Variants in SRPK2 observed in about 807,000 individuals in gnomAD.
SRPK2 encodes SRSF protein kinase 2, also known as SFRS protein kinase 2.
SRPK2 carries 21 observed loss-of-function variants against 90.8 expected under a neutral mutation model. The ratio of observed to expected loss-of-function variants is 0.23; its 90% CI spans 0.16 to 0.33. The LOEUF (loss-of-function observed/expected upper bound fraction) is 0.33, where lower values mean the gene tolerates loss of function less well. Ranked by LOEUF, SRPK2 falls within the 10% of genes least tolerant of loss-of-function variation. The pLI is 1.00. For missense variants in SRPK2, 620 were observed against 869.0 expected (o/e 0.71, Z 3.60); for synonymous variants, 288 against 311.1 (o/e 0.93, Z 0.78).
At chr7:105,221,228 T>G (rs949360703) in intron 2 of SRPK2, among the ~76,000 whole-genome samples, 3 of 152,236 alleles carry the variant, frequency 2.0e-5, no homozygotes, top group African/African-American at 7.2e-5. Flanking sequence ...CATTATACGC[T>G]TGTCTTTACT....
intron 2 of SRPK2, among the ~76,000 whole-genome samples, chr7:105,348,837 A>T (rs1816794687): frequency 6.6e-6 from 1 of 152,122 alleles, no homozygotes; most frequent in Non-Finnish European, 1.5e-5. Flanking sequence ...AACAGAAAAT[A>T]AAAAATAAAA....
Position 105,388,898 on chromosome 7 carries a change from C to T in SRPK2, c.-92G>A, listed in dbSNP as rs1821995489. 25 of 1,235,212 alleles carry T rather than the reference C, an allele frequency of 2.0e-5. No individual in the cohort carries two copies. The highest frequency in any genetic ancestry group is 2.4e-5 in the Non-Finnish European group (24 of 992,106). 76.5% of individuals were successfully genotyped at this position (1,235,212 alleles called of 1,614,324 possible). On this transcript the variant is annotated 5_prime_UTR_variant, in exon 1 of 16. Coordinates refer to ENST00000393651, the MANE Select transcript of SRPK2 (RefSeq NM_182692.3). ...TGCAGCCTCCACTCGCTCCGCCGGC[C>T]GGGAGGAGACGAGAACCGCGCCTGC...
intron 7 of SRPK2, among the ~76,000 whole-genome samples, chr7:105,149,116 A>G (rs1021451688): frequency 6.6e-6 from 1 of 152,184 alleles, no homozygotes; most frequent in African/African-American, 2.4e-5. Context: ...GATTAGTAAA[A>G]GAGGAAAGCC....
intron 2 of SRPK2, among the ~76,000 whole-genome samples, chr7:105,246,701 A>G (rs1465906636): frequency 6.6e-6 from 1 of 152,236 alleles, no homozygotes; most frequent in African/African-American, 2.4e-5. Flanking sequence ...AATCAAAGAC[A>G]GAAACCTTTT....
At chr7:105,327,079 A>C (rs79739917) in intron 2 of SRPK2, among the ~76,000 whole-genome samples, 40 of 152,002 alleles carry the variant, frequency 2.6e-4, no homozygotes, top group African/African-American at 9.7e-4. Flanking sequence ...AAAAAAAAAA[A>C]AAAAAAATTC....
intron 2 of SRPK2, among the ~76,000 whole-genome samples, chr7:105,249,914 T>C (rs1372361285): frequency 6.6e-6 from 1 of 152,252 alleles, no homozygotes; most frequent in Admixed American, 6.5e-5. Flanking sequence ...CTTACGCATA[T>C]GACCTAGAAT....
At chr7:105,127,992 C>T (rs1801446435) in intron 13 of SRPK2, among the ~76,000 whole-genome samples, 1 of 152,168 alleles carries the variant, frequency 6.6e-6, no homozygotes, top group Non-Finnish European at 1.5e-5. Context: ...GGAGCCAATA[C>T]TGGGGAAACT....
chr7:105,303,819 C>CGAAT (rs750498615), intron 2 of SRPK2, among the ~76,000 whole-genome samples: 12 of 152,010 alleles, frequency 7.9e-5, no homozygotes, highest in Non-Finnish European at 1.5e-4. Flanking sequence ...ACAAAACACA[C>CGAAT]GAATATGTGG....
intron 2 of SRPK2, chr7:105,298,901 AG>A: frequency 1.9e-6 from 1 of 520,806 alleles, no homozygotes; most frequent in East Asian, 1.5e-4. Context: ...TACTCTGTTC[AG>A]CTCAGTTAGC....
intron 2 of SRPK2, among the ~76,000 whole-genome samples, chr7:105,235,482 GCA>G (rs986764388): frequency 2.0e-3 from 285 of 145,936 alleles, no homozygotes; most frequent in African/African-American, 6.5e-3. Context: ...GTGTGTGTGT[GCA>G]TGTGCATGCA....
intron 2 of SRPK2, among the ~76,000 whole-genome samples, chr7:105,358,956 AGTGGAG>A (rs1818111563): frequency 1.3e-5 from 2 of 151,964 alleles, no homozygotes; most frequent in African/African-American, 4.8e-5. Context: ...AGAAAGCAAG[AGTGGAG>A]GTGGAGGTGC....
chr7:105,280,668 C>T (rs1281477410), intron 2 of SRPK2, among the ~76,000 whole-genome samples: 1 of 139,472 alleles, frequency 7.2e-6, no homozygotes, highest in African/African-American at 3.0e-5. Context: ...GGGGGGGGGG[C>T]CGGGCACAGT....
At chr7:105,149,450 A>G (rs142693554) in intron 7 of SRPK2, among the ~76,000 whole-genome samples, 3 of 151,926 alleles carry the variant, frequency 2.0e-5, no homozygotes, top group African/African-American at 4.8e-5. Context: ...CTCCTACTAC[A>G]TTCCTTTTTG....
intron 2 of SRPK2, among the ~76,000 whole-genome samples, chr7:105,226,315 T>C (rs954790550): frequency 3.3e-5 from 5 of 152,020 alleles, no homozygotes; most frequent in African/African-American, 1.2e-4. Flanking sequence ...TAACAGAGTC[T>C]CACTCACTCT....
At chr7:105,245,018 A>G (rs1437014867) in intron 2 of SRPK2, 9 of 690,020 alleles carry the variant, frequency 1.3e-5, no homozygotes, top group Middle Eastern at 7.3e-4. Flanking sequence ...CTTGAGAGGA[A>G]AAACAAAACA....
At chr7:105,297,437 A>G in intron 2 of SRPK2, 2 of 984,758 alleles carry the variant, frequency 2.0e-6, no homozygotes, top group Non-Finnish European at 2.4e-6. Context: ...GAACATTTGC[A>G]TATTTTTCAA....
At chr7:105,119,454 T>C (rs1800021107) in intron 15 of SRPK2, among the ~76,000 whole-genome samples, 1 of 152,194 alleles carries the variant, frequency 6.6e-6, no homozygotes, top group African/African-American at 2.4e-5. Flanking sequence ...TCTTACACAC[T>C]AGTATGTCTA....
At chr7:105,287,825 C>T (rs1443151341) in intron 2 of SRPK2, among the ~76,000 whole-genome samples, 2 of 152,036 alleles carry the variant, frequency 1.3e-5, no homozygotes, top group Non-Finnish European at 2.9e-5. Flanking sequence ...GGAAGATCTA[C>T]CTTTATTTGC....
rs939820761 is a variant in SRPK2 at position 105,133,056 on chromosome 7, T to A, written c.1592A>T (p.Asn531Ile). ...DLLVNPLDPRNADKIRVKIAD... is the reference protein window; with the variant it reads ...DLLVNPLDPRIADKIRVKIAD... ...AATTTTTACTCTAATTTTATCTGCA[T>A]TCCGCGGATCCAGGGGATTCACCAA... The change falls in exon 12 of 16, where the codon AAT becomes ATT. Residue 531 changes from asparagine to isoleucine, a missense_variant. Physicochemically the swap from Asn to Ile is moderately radical, Grantham distance 149 (BLOSUM62 -3). This residue lies in a region of SRPK2 where 20 missense variants were observed against 54.3 expected (regional missense o/e 0.37). Transcript: ENST00000393651. 20 of 1,614,084 alleles carry A rather than the reference T, an allele frequency of 1.2e-5. 1 individual carries two copies.
Sources: allele counts gnomAD v4.1 joint callset (sites outside exome capture counted in the v4.1 genomes callset), GRCh38; gene constraint gnomAD v4.1.1; regional missense constraint gnomAD v4.1.1; transcripts MANE v1.5; gene names NCBI Gene and HGNC (gene_info 2026-07-23, HGNC 2026-07-21).